Variants in TIMM44 observed in about 807,000 individuals in gnomAD.
The protein encoded by TIMM44 is mitochondrial import inner membrane translocase subunit TIM44.
TIMM44 carries 37 observed loss-of-function variants against 63.8 expected under a neutral mutation model. The observed-to-expected ratio is 0.58, with a 90% CI of 0.45 to 0.76. The LOEUF (loss-of-function observed/expected upper bound fraction) is 0.76. Among genes scored for constraint, TIMM44 ranks in the 30% least tolerant of loss-of-function variants. The pLI is 0.00. For synonymous variants in TIMM44, 239 were observed against 245.1 expected (o/e 0.98, Z 0.23); for missense variants, 573 against 603.8 (o/e 0.95, Z 0.54).
Position 7,932,810 on chromosome 19 carries a change from G to A in TIMM44, c.862+30C>T, listed in dbSNP as rs1485759325. Reference sequence around the variant, plus strand: ...GGCCGGGGACCCCGCCCCACCACCAGCCTGCGAGGTCCAGGGATGACTCAC... The same window carrying A: ...GGCCGGGGACCCCGCCCCACCACCAACCTGCGAGGTCCAGGGATGACTCAC... On this transcript the variant is annotated intron_variant, in intron 8 of 12. Coordinates refer to ENST00000270538, the MANE Select transcript of TIMM44 (RefSeq NM_006351.4). The A allele has an allele frequency of 2.5e-6, 4 of 1,614,024 alleles. No homozygotes were observed. The African/African-American group carries it at 5.3e-5, about 22-fold the overall frequency.
At position 7,943,593 on chromosome 19, in the gene TIMM44, G is replaced by A; in HGVS notation, c.45+14C>T. The A allele has an allele frequency of 1.3e-6, 2 of 1,562,784 alleles. No individual in the cohort carries two copies. The highest frequency in any genetic ancestry group is 8.6e-7 in the Non-Finnish European group (1 of 1,160,448). ...CCCCTAAGCTCGCCCTGCCAGCGCC[G>A]CACCGCCGCTCACCCGTGGACAGCG... On this transcript the variant is annotated intron_variant, in intron 1 of 12. Transcript: ENST00000270538. The surrounding 1 kb of genome is among the most constrained non-coding windows in gnomAD (Gnocchi z 4.3).
At chr19:7,937,568 C>A (rs1984192168) in intron 3 of TIMM44, among the ~76,000 whole-genome samples, 1 of 152,208 alleles carries the variant, frequency 6.6e-6, no homozygotes, top group Non-Finnish European at 1.5e-5. Context: ...GAGACCCGCA[C>A]CTGTCCCCTG....
rs1211631334 is a variant in TIMM44, at chr19:7,941,286, T to C, written c.46-89A>G. On this transcript the variant is annotated intron_variant, in intron 1 of 12. Transcript: ENST00000270538. ...CCACACACAAAACAGCAGGGTCACC[T>C]GCAACTCACTGGCCATTTTTTTTTT... The C allele has an allele frequency of 1.4e-5, 14 of 984,224 alleles. No homozygotes were observed. The Admixed American group carries it at 2.5e-4, about 18-fold the overall frequency. 61.0% of individuals were successfully genotyped at this position (984,224 alleles called of 1,614,324 possible).
chr19:7,930,638 G>A (rs1983954033), intron 10 of TIMM44, among the ~76,000 whole-genome samples: 1 of 152,076 alleles, frequency 6.6e-6, no homozygotes, highest in African/African-American at 2.4e-5. Flanking sequence ...TTGTAGAGAC[G>A]GGATCTTGCT....
At chr19:7,937,414 C>T (rs956787815) in intron 3 of TIMM44, among the ~76,000 whole-genome samples, 59 of 152,226 alleles carry the variant, frequency 3.9e-4, no homozygotes, top group Non-Finnish European at 6.9e-4. Context: ...TGTGAAGATG[C>T]GGGCGCTGGC....
Position 7,941,160 on chromosome 19 carries a change from T to C in TIMM44, c.83A>G (p.His28Arg), listed in dbSNP as rs758538676. ...ATAGGTCGACCCATGGGGTAGGTTG[T>C]GGCTGGAAAGAAATTGGATTCCACT... ...LGSGIQFLSS[H>R]NLPHGSTYQM... The change falls in exon 2 of 13, where the codon CAC (histidine) becomes CGC (arginine). Residue 28 changes from histidine to arginine, a missense_variant. Coordinates refer to ENST00000270538, the MANE Select transcript of TIMM44 (RefSeq NM_006351.4). 1 of 1,614,148 alleles carries C rather than the reference T, an allele frequency of 6.2e-7. No individual in the cohort carries two copies. Among genetic ancestry groups the C allele is most frequent in the East Asian group, 2.2e-5 (1 of 44,878 alleles).
intron 2 of TIMM44, 67 bp from the exon 3 acceptor site, chr19:7,938,264 G>T (rs11881424): frequency 0.19 from 249,303 of 1,291,726 alleles, 26,765 homozygotes; most frequent in Non-Finnish European, 0.22. Flanking sequence ...ATGCCCCACA[G>T]AGGGACTCAG....
In TIMM44 at chr19:7,933,419, G is replaced by A. The variant is rs551130209; in HGVS notation, c.769+66C>T. On this transcript the variant is annotated intron_variant, in intron 7 of 12. Coordinates refer to ENST00000270538, the MANE Select transcript of TIMM44 (RefSeq NM_006351.4). This position sits in a 1 kb window ranked among gnomAD's most constrained non-coding sequence, Gnocchi z 4.3. ...GGCTGTCTTGTGCCCAATGCAGGGG[G>A]ATCACCTTGCGGTCCACCAACTGCC... The A allele has an allele frequency of 1.4e-6, 2 of 1,415,510 alleles. No homozygotes were observed. The highest frequency in any genetic ancestry group is 2.8e-5 in the African/African-American group (2 of 71,168). The allele number at this position is 1,415,510 out of a possible 1,614,324, so 87.7% of individuals were successfully genotyped here.
intron 9 of TIMM44, chr19:7,931,430 G>A (rs1461488461): frequency 3.7e-6 from 2 of 540,112 alleles, no homozygotes; most frequent in Non-Finnish European, 3.4e-6. Context: ...CGACCACCCA[G>A]GAGGCACCCC....
rs1045504441 is a variant in TIMM44, at chr19:7,934,380, C to T, written c.394-142G>A. ...AGAGGCCTTCTGTGCTCCTGTGGTA[C>T]GCGGCACCCCCAGAGCCATGAGCAC... On this transcript the variant is annotated intron_variant, in intron 4 of 12. Coordinates refer to ENST00000270538, the MANE Select transcript of TIMM44 (RefSeq NM_006351.4). The surrounding 1 kb of genome is among the most constrained non-coding windows in gnomAD (Gnocchi z 5.3). 1.9e-5 allele frequency: 21 copies of T among 1,105,482 alleles called. No homozygotes were observed. The highest frequency in any genetic ancestry group is 3.1e-5 in the African/African-American group (2 of 64,760). 68.5% of individuals were successfully genotyped at this position (1,105,482 alleles called of 1,614,324 possible). A position where few individuals can be genotyped will look rare whatever the true frequency, so the allele number is the denominator to read the frequency against.
chr19:7,938,333 C>T, intron 2 of TIMM44, 136 bp from the exon 3 acceptor site: 1 of 665,328 alleles, frequency 1.5e-6, no homozygotes, highest in Non-Finnish European at 2.5e-6. Context: ...TTAGCTATCT[C>T]TTTTATAATA....
intron 2 of TIMM44, among the ~76,000 whole-genome samples, chr19:7,940,159 G>C (rs1355452257): frequency 6.6e-6 from 1 of 151,522 alleles, no homozygotes; most frequent in Non-Finnish European, 1.5e-5. Context: ...CTTAAGCCCA[G>C]GAGTTCAAGG....
chr19:7,942,381 G>A (rs60809935), intron 1 of TIMM44, among the ~76,000 whole-genome samples: 5,281 of 152,056 alleles, frequency 0.035, 280 homozygotes, highest in African/African-American at 0.12. Context: ...TTTGAGCTCA[G>A]GAGTTTGAGA....
At position 7,941,202 on chromosome 19, in the gene TIMM44, T is replaced by A. The variant is rs770493324; in HGVS notation, c.46-5A>T. ...GATTCCACTGCCGAGGCATCTCTAATTGGGGGGAGAGAAGAGAAAGATCCA... is the reference window on the plus strand; with the variant it reads ...GATTCCACTGCCGAGGCATCTCTAAATGGGGGGAGAGAAGAGAAAGATCCA... On this transcript the variant is annotated splice_polypyrimidine_tract_variant and splice_region_variant and intron_variant, in intron 1 of 12. Coordinates refer to ENST00000270538, the MANE Select transcript of TIMM44 (RefSeq NM_006351.4). 2 of 1,608,224 alleles carry A rather than the reference T, an allele frequency of 1.2e-6. No homozygotes were observed. The highest frequency in any genetic ancestry group is 1.7e-6 in the Non-Finnish European group (2 of 1,174,810).
rs1984042711 is a variant in TIMM44 at position 7,933,375 on chromosome 19, C to T, written c.769+110G>A. 8 of 979,238 alleles carry T rather than the reference C, an allele frequency of 8.2e-6. No homozygotes were observed. The highest frequency in any genetic ancestry group is 1.3e-5 in the Non-Finnish European group (8 of 600,092). The allele number at this position is 979,238 out of a possible 1,614,324, so 60.7% of individuals were successfully genotyped here. On this transcript the variant is annotated intron_variant, in intron 7 of 12. Coordinates refer to ENST00000270538, the MANE Select transcript of TIMM44 (RefSeq NM_006351.4). The surrounding 1 kb of genome is among the most constrained non-coding windows in gnomAD (Gnocchi z 4.3). ...GTGACCGGCCCACTCTGACCCCGATCTCCTCCTCTGCAAAACGGGGCTGTC... is the reference window on the plus strand; with the variant it reads ...GTGACCGGCCCACTCTGACCCCGATTTCCTCCTCTGCAAAACGGGGCTGTC...
In TIMM44 at chr19:7,935,669, G is replaced by A. The variant is rs1191674461; in HGVS notation, c.313-524C>T. On this transcript the variant is annotated intron_variant, in intron 3 of 12. Transcript: ENST00000270538. Reference sequence around the variant, plus strand: ...CCTTGCTCAGAAGGCCGGCAGACTCGGGTCCCCGCTTGGCAGCTACCTCCT... The same window carrying A: ...CCTTGCTCAGAAGGCCGGCAGACTCAGGTCCCCGCTTGGCAGCTACCTCCT... Among the ~76,000 whole-genome samples the A allele has an allele frequency of 3.3e-5, 5 of 152,298 alleles. 1 individual carries two copies. The East Asian group carries it at 7.7e-4, about 23-fold the overall frequency.
chr19:7,932,488 C>G (rs1664096428), intron 9 of TIMM44, 139 bp downstream of exon 9: 1 of 1,232,618 alleles, frequency 8.1e-7, no homozygotes, highest in Non-Finnish European at 1.1e-6. Context: ...CGGGCAGGAG[C>G]CCGTGTGCAA....
intron 3 of TIMM44, among the ~76,000 whole-genome samples, chr19:7,937,623 C>T (rs1032321339): frequency 6.6e-6 from 1 of 152,220 alleles, no homozygotes; most frequent in Non-Finnish European, 1.5e-5. Context: ...CACTTCCTCA[C>T]GAGCCACCCT....
chr19:7,927,577 G>C (rs951612446), intron 12 of TIMM44, 80 bp downstream of exon 12: 82 of 1,394,128 alleles, frequency 5.9e-5, no homozygotes, highest in Non-Finnish European at 7.8e-5. Flanking sequence ...CTCTGAGCTG[G>C]GGTCTCTGCC....
Sources: allele counts gnomAD v4.1 joint callset (sites outside exome capture counted in the v4.1 genomes callset), GRCh38; gene constraint gnomAD v4.1.1; non-coding constraint Gnocchi (gnomAD v3.1); transcripts MANE v1.5; gene names NCBI Gene and HGNC (gene_info 2026-07-23, HGNC 2026-07-21).